Variants in SRPK2 observed in about 807,000 individuals in gnomAD.
SRPK2 encodes the protein SFRS protein kinase 2.
A neutral mutation model predicts 90.8 loss-of-function variants in SRPK2; 21 were observed. That is an observed-to-expected ratio of 0.23 (90% CI 0.16 to 0.33). The LOEUF (loss-of-function observed/expected upper bound fraction) is 0.33, where lower values mean the gene tolerates loss of function less well. Ranked by LOEUF, SRPK2 falls within the 10% of genes least tolerant of loss-of-function variation. SRPK2 has a pLI of 1.00. For synonymous variants in SRPK2, 288 were observed against 311.1 expected (o/e 0.93, Z 0.78); for missense variants, 620 against 869.0 (o/e 0.71, Z 3.60).
At position 105,364,405 on chromosome 7, in the gene SRPK2, G is replaced by GTTTTTTTTTTTTTT. The variant is rs71152964; in HGVS notation, c.71+24242_71+24243insAAAAAAAAAAAAAA. On this transcript the variant is annotated intron_variant, in intron 2 of 15. Transcript: ENST00000393651. ...CTTTCCATAGCATACCGTGTGTAAC[G>GTTTTTTTTTTTTTT]TTTTTTTTTTTTTGAGAAGGAGTCT... Among the ~76,000 whole-genome samples, 30 of 133,918 alleles carry GTTTTTTTTTTTTTT rather than the reference G, an allele frequency of 2.2e-4. 2 individuals are homozygous for GTTTTTTTTTTTTTT. Among genetic ancestry groups the GTTTTTTTTTTTTTT allele is most frequent in the East Asian group, 2.0e-3 (7 of 3,564 alleles). 87.9% of individuals were successfully genotyped at this position (133,918 alleles called of 152,430 possible).
At chr7:105,159,314 T>C (rs1221038380) in intron 7 of SRPK2, among the ~76,000 whole-genome samples, 2 of 151,820 alleles carry the variant, frequency 1.3e-5, no homozygotes, top group African/African-American at 2.4e-5. Flanking sequence ...GGTGAAACCC[T>C]GTCTCTACTA....
In SRPK2 at chr7:105,126,378, G is replaced by A. The variant is rs200737312; in HGVS notation, c.1823-38C>T. The A allele has an allele frequency of 2.7e-5, 39 of 1,450,934 alleles. No individual in the cohort carries two copies. In the East Asian group the frequency reaches 8.6e-4, roughly 32 times the overall value. 89.9% of individuals were successfully genotyped at this position (1,450,934 alleles called of 1,614,324 possible). A position where few individuals can be genotyped will look rare whatever the true frequency, so the allele number is the denominator to read the frequency against. On this transcript the variant is annotated intron_variant, in intron 14 of 15. Coordinates refer to ENST00000393651, the MANE Select transcript of SRPK2 (RefSeq NM_182692.3). ...GAAAAAAAGGATATGGGAATGGGAG[G>A]GGCAAAGGGAAGGATGGGATAAAAG...
chr7:105,259,085 G>A (rs935703489), intron 2 of SRPK2, among the ~76,000 whole-genome samples: 2 of 152,178 alleles, frequency 1.3e-5, no homozygotes, highest in African/African-American at 4.8e-5. Flanking sequence ...TAGGAAAAGA[G>A]GAAGTCAAAT....
At chr7:105,316,396 C>T (rs887777238) in intron 2 of SRPK2, among the ~76,000 whole-genome samples, 1 of 152,120 alleles carries the variant, frequency 6.6e-6, no homozygotes, top group East Asian at 1.9e-4. Context: ...CTCTCAAGGC[C>T]GCTTATAAAG....
At chr7:105,364,503 C>T (rs1011755482) in intron 2 of SRPK2, among the ~76,000 whole-genome samples, 5 of 151,794 alleles carry the variant, frequency 3.3e-5, no homozygotes, top group Admixed American at 6.6e-5. Flanking sequence ...CAGATTCAAG[C>T]GCTTCTCCTG....
chr7:105,132,811 T>C lies in SRPK2; in HGVS notation c.1732A>G (p.Ile578Val), dbSNP rs1289867726. 6.2e-7 allele frequency: 1 copy of C among 1,609,726 alleles called. No homozygotes were observed. Among genetic ancestry groups the C allele is most frequent in the Non-Finnish European group, 8.5e-7 (1 of 1,177,698 alleles). Residue 578 changes from isoleucine to valine, a missense_variant, in exon 13 of 16, where the codon ATC becomes GTC. Physicochemically the swap from Ile to Val is conservative, Grantham distance 29. Coordinates refer to ENST00000393651, the MANE Select transcript of SRPK2 (RefSeq NM_182692.3). ...IGAGYSTPAD[I>V]WSTACMAFEL... ...CTTACCATACACGCCGTGCTCCAGA[T>C]GTCCGCAGGGGTGCTGTACCCCGCT...
intron 2 of SRPK2, among the ~76,000 whole-genome samples, chr7:105,250,211 ATCCC>A (rs3831556): frequency 0.82 from 123,836 of 151,562 alleles, 51,245 homozygotes; most frequent in Non-Finnish European, 0.87. Context: ...GGCACCTGTA[ATCCC>A]TCCCAGCTAC....
chr7:105,203,945 A>C (rs1795881364), intron 2 of SRPK2, among the ~76,000 whole-genome samples, 160 bp from the exon 3 acceptor site: 1 of 148,710 alleles, frequency 6.7e-6, no homozygotes, highest in Non-Finnish European at 1.5e-5. Context: ...GAATTCAAGT[A>C]GTGTTTCAAC....
intron 2 of SRPK2, among the ~76,000 whole-genome samples, chr7:105,207,382 C>T (rs901138493): frequency 6.6e-6 from 1 of 151,778 alleles, no homozygotes; most frequent in African/African-American, 2.4e-5. Context: ...TGTAGAAGAC[C>T]AAGACATGAC....
intron 2 of SRPK2, among the ~76,000 whole-genome samples, chr7:105,358,223 CAAA>C (rs976713048): frequency 3.7e-5 from 2 of 53,648 alleles, no homozygotes; most frequent in Non-Finnish European, 6.5e-5. Flanking sequence ...GACTCCGTCT[CAAA>C]AAAAAAAAAA....
intron 6 of SRPK2, among the ~76,000 whole-genome samples, chr7:105,161,092 A>C (rs893442146): frequency 6.6e-6 from 1 of 151,910 alleles, no homozygotes; most frequent in Admixed American, 6.6e-5. Context: ...CGCTCGGCTA[A>C]TTTTTTGTAA....
intron 2 of SRPK2, chr7:105,269,088 G>A: frequency 8.4e-7 from 1 of 1,190,256 alleles, no homozygotes; most frequent in South Asian, 3.0e-5. Context: ...ATGAAAGCAG[G>A]AAGTACCATT....
chr7:105,380,616 C>T (rs1409526679), intron 2 of SRPK2, among the ~76,000 whole-genome samples: 2 of 150,762 alleles, frequency 1.3e-5, no homozygotes, highest in Admixed American at 6.6e-5. Context: ...CTCTGCCTCC[C>T]GGGTTCAAGC....
intron 15 of SRPK2, among the ~76,000 whole-genome samples, chr7:105,125,129 C>CAAA (rs61616576): frequency 4.9e-4 from 43 of 88,022 alleles, no homozygotes; most frequent in East Asian, 4.5e-3. Flanking sequence ...GACTCCATCT[C>CAAA]AAAAAAAAAA....
Position 105,149,097 on chromosome 7 carries a change from G to A in SRPK2, c.622-2439C>T, listed in dbSNP as rs554293194. The stretch of plus-strand genomic sequence containing the variant: ...AGCCCAACACCCATAAAGGGTCTGT[G>A]CTGAGATGGATTAGTAAAAGAGGAA... On this transcript the variant is annotated intron_variant, in intron 7 of 15. Transcript: ENST00000393651. Among the ~76,000 whole-genome samples, 17 of 152,292 alleles carry A rather than the reference G, an allele frequency of 1.1e-4. No homozygotes were observed. The East Asian group carries it at 2.7e-3, about 24-fold the overall frequency.
intron 7 of SRPK2, among the ~76,000 whole-genome samples, chr7:105,159,386 T>C (rs989171128): frequency 2.2e-5 from 3 of 134,740 alleles, no homozygotes; most frequent in Admixed American, 1.8e-4. Flanking sequence ...CTCAGGAGGC[T>C]GCAATGAGCT....
At chr7:105,287,672 G>A (rs1808353667) in intron 2 of SRPK2, among the ~76,000 whole-genome samples, 1 of 151,994 alleles carries the variant, frequency 6.6e-6, no homozygotes, top group Non-Finnish European at 1.5e-5. Context: ...GGAGGTGGAG[G>A]TTGTGGTGAG....
intron 2 of SRPK2, among the ~76,000 whole-genome samples, chr7:105,377,019 A>T (rs1236959814): frequency 6.6e-6 from 1 of 152,082 alleles, no homozygotes; most frequent in Non-Finnish European, 1.5e-5. Flanking sequence ...TTATTTTAAA[A>T]CACTGTGCTA....
At chr7:105,337,409 G>A (rs1218409589) in intron 2 of SRPK2, among the ~76,000 whole-genome samples, 3 of 151,570 alleles carry the variant, frequency 2.0e-5, no homozygotes, top group Admixed American at 1.3e-4. Context: ...CTGCTTCCCC[G>A]GTTCAAGCGA....
Sources: allele counts gnomAD v4.1 joint callset (sites outside exome capture counted in the v4.1 genomes callset), GRCh38; gene constraint gnomAD v4.1.1; transcripts MANE v1.5; gene names NCBI Gene and HGNC (gene_info 2026-07-23, HGNC 2026-07-21).